SLC28A1: variants seen among roughly 807,000 people sequenced by gnomAD.
The protein encoded by SLC28A1 is sodium/nucleoside cotransporter 1.
Under a neutral mutation model 74.8 loss-of-function variants are expected in SLC28A1, and 64 were observed. That is an observed-to-expected ratio of 0.86 (90% confidence interval 0.70 to 1.05). The LOEUF is 1.05. Ranked by LOEUF, SLC28A1 falls within the 50% of genes least tolerant of loss-of-function variation. The pLI is 0.00. For missense variants in SLC28A1, 828 were observed against 822.8 expected (o/e 1.01, Z -0.08); for synonymous variants, 359 against 335.0 (o/e 1.07, Z -0.78).
chr15:84,950,155 G>A (rs2079367933), downstream of SLC28A1, among the ~76,000 whole-genome samples: 1 of 152,152 alleles, frequency 6.6e-6, no homozygotes, highest in Admixed American at 6.5e-5. Flanking sequence ...GGCAGCGCTT[G>A]GATTGAACCC....
chr15:84,955,026 C>A, the SLC28A1 span, among the ~76,000 whole-genome samples: 1 of 152,210 alleles, frequency 6.6e-6, no homozygotes, highest in African/African-American at 2.4e-5. Context: ...AGAAAGAGTT[C>A]TCCCTGCTCT....
chr15:84,960,404 T>C, the SLC28A1 span, among the ~76,000 whole-genome samples: 1 of 152,016 alleles, frequency 6.6e-6, no homozygotes, highest in Admixed American at 6.5e-5. Flanking sequence ...ATTATGGGCA[T>C]GTGCCACCAT....
At chr15:84,960,913 C>T in the SLC28A1 span, among the ~76,000 whole-genome samples, 1 of 152,088 alleles carries the variant, frequency 6.6e-6, no homozygotes, top group Non-Finnish European at 1.5e-5. Flanking sequence ...TACAGGTGCT[C>T]TCAATTCAGC....
intron 9 of SLC28A1, among the ~76,000 whole-genome samples, chr15:84,918,283 G>C (rs1969382541): frequency 6.6e-6 from 1 of 152,160 alleles, no homozygotes; most frequent in African/African-American, 2.4e-5. Flanking sequence ...AGAGGGGGTG[G>C]TCTGGCGGCT....
chr15:84,906,524 G>GTTTCTTTCTTTC (rs1206034521), intron 8 of SLC28A1, among the ~76,000 whole-genome samples: 813 of 58,648 alleles, frequency 0.014, 5 homozygotes, highest in Non-Finnish European at 0.018. Flanking sequence ...TTGTTTGTTT[G>GTTTCTTTCTTTC]TTTGTTTCTT....
chr15:84,932,510 A>G (rs1416886512), intron 12 of SLC28A1, among the ~76,000 whole-genome samples: 1 of 152,196 alleles, frequency 6.6e-6, no homozygotes, highest in Non-Finnish European at 1.5e-5. Context: ...CCTGAGAAGG[A>G]GTTCTCAAAC....
At chr15:84,896,120 C>A in intron 6 of SLC28A1, 1 of 239,626 alleles carries the variant, frequency 4.2e-6, no homozygotes, top group Non-Finnish European at 6.7e-6. Context: ...TTAAAAAATG[C>A]ATGCAGATAA....
chr15:84,955,044 C>A, the SLC28A1 span, among the ~76,000 whole-genome samples: 2 of 152,192 alleles, frequency 1.3e-5, no homozygotes, highest in Non-Finnish European at 2.9e-5. Flanking sequence ...TCTGTGGCTG[C>A]CACGCTGTGA....
chr15:84,887,630 G>C (rs1315880074), intron 2 of SLC28A1, 115 bp from the exon 3 acceptor site: 40 of 1,545,596 alleles, frequency 2.6e-5, no homozygotes, highest in Non-Finnish European at 3.5e-5. Context: ...CAGGGCTCTG[G>C]CTGTGCCAGG....
At chr15:84,923,951 C>T in intron 11 of SLC28A1, 34 bp from the exon 12 acceptor site, 3 of 1,613,972 alleles carry the variant, frequency 1.9e-6, no homozygotes, top group Middle Eastern at 1.6e-4. Flanking sequence ...CAATCACCCC[C>T]ACCCTGCTTG....
intron 11 of SLC28A1, 129 bp downstream of exon 11, chr15:84,921,198 A>T: frequency 1.3e-6 from 1 of 745,566 alleles, no homozygotes; most frequent in Non-Finnish European, 2.4e-6. Context: ...GGGTCATCAA[A>T]TTCTGCTGCT....
chr15:84,968,808 C>T, the SLC28A1 span, among the ~76,000 whole-genome samples: 1 of 152,202 alleles, frequency 6.6e-6, no homozygotes, highest in Non-Finnish European at 1.5e-5. Context: ...ATCTCATCCC[C>T]AAAGTTCTTT....
chr15:84,895,256 A>C, intron 6 of SLC28A1, 133 bp downstream of exon 6: 1 of 1,568,916 alleles, frequency 6.4e-7, no homozygotes, highest in Non-Finnish European at 8.8e-7. Context: ...GCCCCAGGGC[A>C]GGAGCCAGTG....
rs1026595920 is a variant in SLC28A1 at position 84,935,658 on chromosome 15, T to A, written c.1581+140T>A. 5.6e-6 allele frequency: 4 copies of A among 717,976 alleles called. No homozygotes were observed. In the African/African-American group the frequency reaches 7.0e-5, roughly 12 times the overall value. 44.5% of individuals were successfully genotyped at this position (717,976 alleles called of 1,614,324 possible). ...GTGCTTCACCTCCTACATCCTGTAG[T>A]CCTGGGAGACAGGACAGCTTCAGGC... On this transcript the variant is annotated intron_variant, in intron 15 of 18. Transcript: ENST00000394573.
intron 11 of SLC28A1, 86 bp downstream of exon 11, chr15:84,921,155 A>G (rs1196284202): frequency 2.1e-5 from 21 of 1,006,974 alleles, no homozygotes; most frequent in Non-Finnish European, 3.3e-5. Flanking sequence ...GCTCTGATTC[A>G]GTCCAAGGAA....
intron 9 of SLC28A1, among the ~76,000 whole-genome samples, chr15:84,916,798 T>C (rs892308346): frequency 1.3e-5 from 2 of 151,738 alleles, no homozygotes; most frequent in Non-Finnish European, 2.9e-5. Flanking sequence ...GAGAATGGGG[T>C]GGGCAGATCA....
At chr15:84,964,991 C>T in the SLC28A1 span, among the ~76,000 whole-genome samples, 1 of 152,172 alleles carries the variant, frequency 6.6e-6, no homozygotes, top group Non-Finnish European at 1.5e-5. Flanking sequence ...TGAAGATCCT[C>T]AGTATGGAAT....
intron 2 of SLC28A1, 80 bp from the exon 3 acceptor site, chr15:84,887,665 C>A: frequency 1.3e-6 from 2 of 1,574,310 alleles, no homozygotes; most frequent in Middle Eastern, 1.8e-4. Context: ...ACTCAGTCCT[C>A]TCCCCTTTCC....
chr15:84,946,082 G>GTT (rs1227086943), downstream of SLC28A1, among the ~76,000 whole-genome samples: 1 of 23,410 alleles, frequency 4.3e-5, no homozygotes, highest in African/African-American at 1.6e-4. Context: ...GTGTGTGTAT[G>GTT]TTCATATATA....
Sources: allele counts gnomAD v4.1 joint callset (sites outside exome capture counted in the v4.1 genomes callset), GRCh38; gene constraint gnomAD v4.1.1; transcripts MANE v1.5; gene names NCBI Gene and HGNC (gene_info 2026-07-23, HGNC 2026-07-21).